The following DGKZ variants were observed in gnomAD, a reference collection of about 807,000 sequenced individuals.
DGKZ encodes diacylglycerol kinase zeta.
In DGKZ, 45 loss-of-function variants were observed where a neutral mutation model predicts 142.5. That is an observed-to-expected ratio of 0.32 (90% CI 0.25 to 0.40). The LOEUF is 0.40. Ranked by LOEUF, DGKZ falls within the 10% of genes least tolerant of loss-of-function variation. The pLI is 1.00. For synonymous variants in DGKZ, 442 were observed against 527.0 expected (o/e 0.84, Z 2.21); for missense variants, 755 against 1,306.5 (o/e 0.58, Z 6.51).
At chr11:46,337,122 A>G (rs1410362518) in intron 1 of DGKZ, among the ~76,000 whole-genome samples, 1 of 152,072 alleles carries the variant, frequency 6.6e-6, no homozygotes, top group East Asian at 1.9e-4. Flanking sequence ...GTTGGGCTCA[A>G]GAGACCATGG....
At chr11:46,355,743 AT>A (rs59593341) in intron 1 of DGKZ, among the ~76,000 whole-genome samples, 1,987 of 146,982 alleles carry the variant, frequency 0.014, 48 homozygotes, top group African/African-American at 0.045. Flanking sequence ...GAGGTGTTAA[AT>A]TTTTTTTTTT....
intron 1 of DGKZ, chr11:46,366,652 C>G: frequency 6.3e-7 from 1 of 1,597,670 alleles, no homozygotes. Flanking sequence ...AGGCATCGAG[C>G]GCCATCCAGC....
Position 46,375,848 on chromosome 11 carries a change from C to T in DGKZ, c.1911-3C>T, listed in dbSNP as rs1944468922. 6.4e-7 allele frequency: 1 copy of T among 1,556,698 alleles called. No homozygotes were observed. The highest frequency in any genetic ancestry group is 1.2e-5 in the South Asian group (1 of 84,950). On this transcript the variant is annotated splice_region_variant and splice_polypyrimidine_tract_variant and intron_variant, in intron 20 of 30. Transcript: ENST00000527911. ...GCCCCCGCTTGCCGGCCCTGCCCGA[C>T]AGCCAGCAGCCGGTGCCAGAGCAGT...
chr11:46,376,167 A>G, intron 22 of DGKZ, 22 bp downstream of exon 22: 1 of 1,599,180 alleles, frequency 6.3e-7, no homozygotes. Flanking sequence ...GGGCTTCCCC[A>G]GGTGCCCACC....
At chr11:46,379,873 G>C in exon 31 of DGKZ, 2 of 1,610,598 alleles carry the variant, frequency 1.2e-6, no homozygotes, top group Non-Finnish European at 1.7e-6. Flanking sequence ...TCAGGACACC[G>C]AGCTGGCCGC....
At chr11:46,360,325 C>T (rs1942501191) in intron 1 of DGKZ, among the ~76,000 whole-genome samples, 1 of 152,016 alleles carries the variant, frequency 6.6e-6, no homozygotes, top group African/African-American at 2.4e-5. Flanking sequence ...TGATATGATA[C>T]ATATTAATAG....
At chr11:46,345,339 T>A (rs769905350), upstream of DGKZ, 29 of 1,387,446 alleles carry the variant, frequency 2.1e-5, no homozygotes, top group Admixed American at 7.3e-5. The surrounding 1 kb of genome is among the most constrained non-coding windows in gnomAD (Gnocchi z 4.1). Context: ...GCCAGCGGCC[T>A]CTAGCAGGCC....
upstream of DGKZ, among the ~76,000 whole-genome samples, chr11:46,343,055 C>G (rs898106336): frequency 2.6e-5 from 4 of 151,426 alleles, no homozygotes; most frequent in Non-Finnish European, 5.9e-5. Context: ...ACCTGGGAGG[C>G]AGAGGATGTA....
intron 1 of DGKZ, among the ~76,000 whole-genome samples, chr11:46,352,307 G>A (rs1277314933): frequency 6.6e-6 from 1 of 152,234 alleles, no homozygotes; most frequent in East Asian, 1.9e-4. Context: ...GACACAAGGG[G>A]GCGACAGCTG....
chr11:46,337,428 T>C (rs1189505406), intron 1 of DGKZ, among the ~76,000 whole-genome samples: 1 of 151,160 alleles, frequency 6.6e-6, no homozygotes, highest in East Asian at 2.0e-4. Context: ...GCCAAGTAGC[T>C]GGGACTACAG....
intron 25 of DGKZ, 183 bp from the exon 26 acceptor site, chr11:46,378,015 T>C: frequency 5.7e-6 from 4 of 702,388 alleles, no homozygotes; most frequent in South Asian, 5.2e-5. Flanking sequence ...GTAAGCTCCA[T>C]GAGGGCAAGG....
chr11:46,371,720 G>A (rs1590595098), exon 9 of DGKZ: 2 of 1,613,932 alleles, frequency 1.2e-6, no homozygotes, highest in East Asian at 2.2e-5. Flanking sequence ...CTGAAAGCAA[G>A]CAAGAAGAAG....
At chr11:46,354,528 C>G (rs961229079) in intron 1 of DGKZ, among the ~76,000 whole-genome samples, 12 of 152,164 alleles carry the variant, frequency 7.9e-5, no homozygotes, top group Admixed American at 1.3e-4. Context: ...ATTTTGAAAT[C>G]TTTCTAAACA....
intron 1 of DGKZ, among the ~76,000 whole-genome samples, chr11:46,355,502 G>A (rs914441290): frequency 1.3e-5 from 2 of 152,214 alleles, no homozygotes; most frequent in South Asian, 2.1e-4. Context: ...TGAGAGAGAC[G>A]AGGGTGGGCA....
chr11:46,360,989 C>G (rs1942580604), intron 1 of DGKZ, among the ~76,000 whole-genome samples: 1 of 152,174 alleles, frequency 6.6e-6, no homozygotes, highest in Non-Finnish European at 1.5e-5. Context: ...CCAGCTCAAC[C>G]AAATCGGAGT....
intron 1 of DGKZ, among the ~76,000 whole-genome samples, chr11:46,363,425 C>G (rs2136448163): frequency 6.6e-6 from 1 of 152,350 alleles, no homozygotes; most frequent in South Asian, 2.1e-4. Flanking sequence ...CACAGTCACA[C>G]AGCACTGCCG....
At chr11:46,354,865 T>G (rs1220175521) in intron 1 of DGKZ, among the ~76,000 whole-genome samples, 1 of 152,224 alleles carries the variant, frequency 6.6e-6, no homozygotes, top group African/African-American at 2.4e-5. Context: ...ATCCTAAACA[T>G]GAATTCTCAC....
chr11:46,380,057 C>G, exon 31 of DGKZ: 1 of 1,124,412 alleles, frequency 8.9e-7, no homozygotes, highest in South Asian at 1.6e-5. Flanking sequence ...ACCTAGGCCC[C>G]AGGGAAAGAG....
intron 1 of DGKZ, among the ~76,000 whole-genome samples, chr11:46,358,626 G>C (rs1285865221): frequency 2.6e-5 from 4 of 151,800 alleles, no homozygotes; most frequent in Admixed American, 1.3e-4. Flanking sequence ...TGAGCCCACG[G>C]GTTAAAGACC....
Sources: allele counts gnomAD v4.1 joint callset (sites outside exome capture counted in the v4.1 genomes callset), GRCh38; gene constraint gnomAD v4.1.1; non-coding constraint Gnocchi (gnomAD v3.1); transcripts MANE v1.5; gene names NCBI Gene and HGNC (gene_info 2026-07-23, HGNC 2026-07-21).